DNAJC8: variants seen among roughly 807,000 people sequenced by gnomAD.
DNAJC8 encodes dnaJ homolog subfamily C member 8.
In DNAJC8, 24 loss-of-function variants were observed where a neutral mutation model predicts 43.2. That is an observed-to-expected ratio of 0.56 (90% CI 0.40 to 0.78). The LOEUF (loss-of-function observed/expected upper bound fraction) is 0.78. Ranked by LOEUF, DNAJC8 falls within the 30% of genes least tolerant of loss-of-function variation. The pLI is 0.00. For missense variants in DNAJC8, 207 were observed against 299.4 expected (o/e 0.69, Z 2.28); for synonymous variants, 83 against 98.0 (o/e 0.85, Z 0.90).
intron 5 of DNAJC8, among the ~76,000 whole-genome samples, chr1:28,209,193 C>T (rs149965474): frequency 1.6e-3 from 244 of 152,240 alleles, no homozygotes; most frequent in African/African-American, 5.8e-3. Context: ...ACACATGACC[C>T]GCAGGATATA....
chr1:28,230,193 T>G (rs1012192185), intron 1 of DNAJC8: 1 of 152,250 alleles, frequency 6.6e-6, no homozygotes, highest in African/African-American at 2.4e-5. Flanking sequence ...TTGGTGTCAC[T>G]GTCAGAGTTG....
At chr1:28,207,138 G>C (rs1646774529) in intron 6 of DNAJC8, among the ~76,000 whole-genome samples, 1 of 151,796 alleles carries the variant, frequency 6.6e-6, no homozygotes, top group African/African-American at 2.4e-5. Context: ...AGCACTTTGG[G>C]AGGCCGAGGA....
At chr1:28,205,670 C>T (rs573775801) in intron 6 of DNAJC8, among the ~76,000 whole-genome samples, 1 of 152,282 alleles carries the variant, frequency 6.6e-6, no homozygotes, top group African/African-American at 2.4e-5. Flanking sequence ...GGCAGATCAC[C>T]TGAGGCCAGG....
rs1257005645 is a variant in DNAJC8, at chr1:28,200,544, G to A, written c.*704C>T. On this transcript the variant is annotated 3_prime_UTR_variant, in exon 9 of 9. Transcript: ENST00000263697. ...CCCACAAGGGAGAGTACAAGGAAAA[G>A]TACATCAATGGCTTGGGTATAAAAA... 2.2e-6 allele frequency: 1 copy of A among 456,496 alleles called. No individual in the cohort carries two copies. The highest frequency in any genetic ancestry group is 4.4e-6 in the Non-Finnish European group (1 of 226,794). The allele number at this position is 456,496 out of a possible 1,614,324, so 28.3% of individuals were successfully genotyped here.
intron 6 of DNAJC8, 90 bp from the exon 7 acceptor site, chr1:28,205,439 A>T: frequency 1.0e-6 from 1 of 963,890 alleles, no homozygotes; most frequent in Non-Finnish European, 1.6e-6. Flanking sequence ...TCCAAGATAA[A>T]GCAGATTAAA....
intron 2 of DNAJC8, among the ~76,000 whole-genome samples, chr1:28,221,986 C>A (rs1046517925): frequency 6.6e-6 from 1 of 151,966 alleles, no homozygotes; most frequent in Non-Finnish European, 1.5e-5. Flanking sequence ...AAGCCAGTCA[C>A]GAAAAGGCAA....
intron 6 of DNAJC8, among the ~76,000 whole-genome samples, chr1:28,206,503 T>C (rs1203402432): frequency 1.3e-5 from 2 of 152,100 alleles, no homozygotes; most frequent in Non-Finnish European, 2.9e-5. Flanking sequence ...GCCACTATAT[T>C]CCAGCCGGGG....
chr1:28,218,389 C>T (rs887188425), intron 2 of DNAJC8, among the ~76,000 whole-genome samples: 2 of 151,874 alleles, frequency 1.3e-5, no homozygotes, highest in African/African-American at 4.9e-5. Context: ...GCCACCGCAC[C>T]CAGCCTTAAG....
chr1:28,215,322 C>T (rs1646843604), intron 2 of DNAJC8, among the ~76,000 whole-genome samples: 1 of 152,032 alleles, frequency 6.6e-6, no homozygotes, highest in Admixed American at 6.6e-5. Context: ...TTTAACTCCC[C>T]CTCCCTTTAT....
At chr1:28,205,652 C>T (rs536756431) in intron 6 of DNAJC8, among the ~76,000 whole-genome samples, 1 of 152,324 alleles carries the variant, frequency 6.6e-6, no homozygotes, top group African/African-American at 2.4e-5. Context: ...CTTTGGAAGG[C>T]CAAGGTGGGC....
intron 2 of DNAJC8, among the ~76,000 whole-genome samples, chr1:28,223,176 CA>C (rs1180683452): frequency 1.3e-5 from 2 of 151,924 alleles, no homozygotes; most frequent in Non-Finnish European, 2.9e-5. Context: ...GTTCAGAGCC[CA>C]AAAAATATGA....
chr1:28,210,514 C>G (rs1646803494), intron 4 of DNAJC8, 57 bp downstream of exon 4: 4 of 1,454,772 alleles, frequency 2.7e-6, no homozygotes, highest in Non-Finnish European at 3.9e-6. Context: ...GGACAAGGAA[C>G]AGTTAGGCCC....
chr1:28,218,753 A>G (rs1031831930), intron 2 of DNAJC8, among the ~76,000 whole-genome samples: 1 of 151,990 alleles, frequency 6.6e-6, no homozygotes, highest in African/African-American at 2.4e-5. Context: ...TAAAAATACA[A>G]TATTAGCCAG....
At chr1:28,222,702 C>T (rs1040491459) in intron 2 of DNAJC8, among the ~76,000 whole-genome samples, 2 of 151,990 alleles carry the variant, frequency 1.3e-5, no homozygotes, top group Non-Finnish European at 1.5e-5. Flanking sequence ...AGTGTCAGAG[C>T]CCACCTGGAA....
At chr1:28,215,806 G>GGATT (rs1646849276) in intron 2 of DNAJC8, among the ~76,000 whole-genome samples, 1 of 151,712 alleles carries the variant, frequency 6.6e-6, no homozygotes, top group African/African-American at 2.4e-5. Flanking sequence ...CAAAGTGCTG[G>GGATT]GATTACAGGT....
chr1:28,200,765 T>C lies in DNAJC8; in HGVS notation c.*483A>G. On this transcript the variant is annotated 3_prime_UTR_variant, in exon 9 of 9. Coordinates refer to ENST00000263697, the MANE Select transcript of DNAJC8 (RefSeq NM_014280.3). ...AGATGCTGCTCTGTGTGCTCACAAG[T>C]GTTCCCTGTCTTATCTGGGCCTTCG... 4.6e-6 allele frequency: 2 copies of C among 436,586 alleles called. No homozygotes were observed. The highest frequency in any genetic ancestry group is 9.2e-6 in the Non-Finnish European group (2 of 218,204). The allele number at this position is 436,586 out of a possible 1,614,324, so 27.0% of individuals were successfully genotyped here. A position where few individuals can be genotyped will look rare whatever the true frequency, so the allele number is the denominator to read the frequency against.
intron 4 of DNAJC8, 172 bp downstream of exon 4, chr1:28,210,399 C>T (rs1017193360): frequency 4.9e-6 from 3 of 611,142 alleles, no homozygotes; most frequent in Middle Eastern, 4.4e-4. Flanking sequence ...TTAAGGTCTA[C>T]TTCTTAAACA....
chr1:28,227,400 T>A (rs1296983989), intron 2 of DNAJC8, among the ~76,000 whole-genome samples: 3 of 142,302 alleles, frequency 2.1e-5, no homozygotes, highest in African/African-American at 7.8e-5. Context: ...AGAGTGAGAC[T>A]TCATCTCAAA....
intron 7 of DNAJC8, among the ~76,000 whole-genome samples, 157 bp downstream of exon 7, chr1:28,205,100 AC>A (rs759309457): frequency 1.4e-4 from 21 of 152,252 alleles, no homozygotes; most frequent in African/African-American, 2.4e-4. Flanking sequence ...AAAACTACTT[AC>A]CCTGGTGATT....
Sources: allele counts gnomAD v4.1 joint callset (sites outside exome capture counted in the v4.1 genomes callset), GRCh38; gene constraint gnomAD v4.1.1; transcripts MANE v1.5; gene names NCBI Gene and HGNC (gene_info 2026-07-23, HGNC 2026-07-21).